SERINC2: variants seen among roughly 807,000 people sequenced by gnomAD.
SERINC2 encodes serine incorporator 2.
SERINC2 carries 56 observed loss-of-function variants against 54.2 expected under a neutral mutation model. The ratio of observed to expected loss-of-function variants is 1.03; its 90% confidence interval spans 0.83 to 1.29. The LOEUF is 1.29. SERINC2 is among the 50% of genes most tolerant of loss of function. The pLI is 0.00. For missense variants in SERINC2, 614 were observed against 607.4 expected, an observed-to-expected ratio of 1.01 and a Z score of -0.12; for synonymous variants, 272 against 253.1, an observed-to-expected ratio of 1.07 and a Z score of -0.71.
At chr1:31,409,830 G>C (rs1553131244), upstream of SERINC2, 1 of 1,556,508 alleles carries the variant, frequency 6.4e-7, no homozygotes. Context: ...GCACACATCT[G>C]AGTCCTCATG....
At chr1:31,416,812 C>T (rs1640791989) in intron 1 of SERINC2, among the ~76,000 whole-genome samples, 1 of 152,158 alleles carries the variant, frequency 6.6e-6, no homozygotes, top group African/African-American at 2.4e-5. Context: ...CCTCTGCCTC[C>T]AGGTTCAAGT....
At chr1:31,432,771 G>C (rs1553134919) in intron 8 of SERINC2, among the ~76,000 whole-genome samples, 196 bp from the exon 9 acceptor site, 2 of 152,150 alleles carry the variant, frequency 1.3e-5, no homozygotes, top group Non-Finnish European at 2.9e-5. Flanking sequence ...GAGGCTCAGA[G>C]AGGTTAAGTG....
chr1:31,418,149 G>A (rs538338997), intron 1 of SERINC2, among the ~76,000 whole-genome samples: 34 of 151,996 alleles, frequency 2.2e-4, no homozygotes, highest in Non-Finnish European at 4.0e-4. Flanking sequence ...ATGAGCCTCC[G>A]CACCTGGCCT....
chr1:31,426,057 C>A, intron 5 of SERINC2, 144 bp downstream of exon 5: 1 of 849,852 alleles, frequency 1.2e-6, no homozygotes, highest in African/African-American at 1.7e-5. Flanking sequence ...TCCAATTGTC[C>A]CAGGGAGATG....
Position 31,429,483 on chromosome 1 carries a change from G to C in SERINC2, c.958G>C (p.Asp320His). ...GPEGYETQWW[D>H]APSIVGLIIF... ...CGAGGGCTATGAGACCCAGTGGTGG[G>C]ATGCCCCGAGCATTGTGGGCCTCAT... Residue 320 changes from aspartate to histidine, a missense_variant, in exon 8 of 10, where the codon GAT becomes CAT. Asp to His is a moderately conservative substitution (Grantham distance 81). Transcript: ENST00000373709. 6.2e-7 allele frequency: 1 copy of C among 1,613,848 alleles called. No individual in the cohort carries two copies. Among genetic ancestry groups the C allele is most frequent in the Non-Finnish European group, 8.5e-7 (1 of 1,179,886 alleles).
chr1:31,417,940 T>TC (rs1640819542), intron 1 of SERINC2, among the ~76,000 whole-genome samples: 1 of 143,772 alleles, frequency 7.0e-6, no homozygotes, highest in African/African-American at 2.6e-5. Context: ...CATTGCAACT[T>TC]CCACCTCCCG....
At chr1:31,418,071 C>G (rs1371825068) in intron 1 of SERINC2, among the ~76,000 whole-genome samples, 1 of 152,042 alleles carries the variant, frequency 6.6e-6, no homozygotes, top group Non-Finnish European at 1.5e-5. Context: ...GTTGGCCAGG[C>G]TGGTCTCGAA....
chr1:31,411,968 T>TC (rs1208611396), upstream of SERINC2, among the ~76,000 whole-genome samples: 24 of 138,774 alleles, frequency 1.7e-4, no homozygotes, highest in African/African-American at 5.3e-4. Flanking sequence ...GCCACTGTGT[T>TC]CCAGCCTGGG....
At chr1:31,431,812 G>GTT (rs1641226600) in intron 8 of SERINC2, among the ~76,000 whole-genome samples, 1 of 145,196 alleles carries the variant, frequency 6.9e-6, no homozygotes, top group Non-Finnish European at 1.5e-5. Context: ...GGACAGGGTG[G>GTT]ACAGGGTGGA....
At position 31,426,806 on chromosome 1, in the gene SERINC2, G is replaced by A. The variant is rs781826524; in HGVS notation, c.763G>A (p.Val255Ile). Residue 255 changes from valine (V) to isoleucine (I), a missense_variant, in exon 6 of 10, where the codon GTC becomes ATC. Transcript: ENST00000373709. Reference protein sequence around the residue: ...TFCVCVSIAAVLPKVQDAQPN... With the variant: ...TFCVCVSIAAILPKVQDAQPN... ...CTGTGTCTGCGTGTCCATCGCTGCT[G>A]TCCTGCCCAAGGTCCAGGTGAGCCT... 4 of 1,613,752 alleles carry A rather than the reference G, an allele frequency of 2.5e-6. No individual in the cohort carries two copies. Among genetic ancestry groups the A allele is most frequent in the East Asian group, 2.2e-5 (1 of 44,896 alleles).
chr1:31,430,089 AGCTATGTGATCCTGG>A (rs1365054735), intron 8 of SERINC2, among the ~76,000 whole-genome samples: 1 of 152,136 alleles, frequency 6.6e-6, no homozygotes, highest in East Asian at 1.9e-4. Flanking sequence ...GCCACTTACT[AGCTATGTGATCCTGG>A]GCAAGTCACT....
In SERINC2 at chr1:31,413,962, G is replaced by A; in HGVS notation, c.39+658G>A. ...TCAGTCTGGCTCGCGCTGCCTCTCA[G>A]GCACTTCCCCAGCTCGCCCCGGATC... is the stretch of plus-strand genomic sequence containing the variant. On this transcript the variant is annotated intron_variant, in intron 1 of 9. Coordinates refer to ENST00000373709, the MANE Select transcript of SERINC2 (RefSeq NM_178865.5). The surrounding 1 kb of genome is among the most constrained non-coding windows in gnomAD (Gnocchi z 5.0). 1 of 1,528,786 alleles carries A rather than the reference G, an allele frequency of 6.5e-7. No homozygotes were observed. 94.7% of individuals were successfully genotyped at this position (1,528,786 alleles called of 1,614,324 possible).
rs782728489 is a variant in SERINC2 at position 31,429,000 on chromosome 1, T to C, written c.803T>C (p.Leu268Pro). Residue 268 changes from leucine to proline, a missense_variant, in exon 7 of 10, where the codon CTG (leucine) becomes CCG (proline). Coordinates refer to ENST00000373709, the MANE Select transcript of SERINC2 (RefSeq NM_178865.5). ...CAGGACGCCCAGCCCAACTCGGGTC[T>C]GCTGCAGGCCTCGGTCATCACCCTC... ...KVQDAQPNSG[L>P]LQASVITLYT... The C allele has an allele frequency of 6.2e-7, 1 of 1,613,992 alleles. No homozygotes were observed. Among genetic ancestry groups the C allele is most frequent in the South Asian group, 1.1e-5 (1 of 91,080 alleles).
chr1:31,433,156 C>T lies in SERINC2; in HGVS notation c.1203C>T (p.His401=), dbSNP rs782662033. 3.1e-5 allele frequency: 50 copies of T among 1,613,638 alleles called. No individual in the cohort carries two copies. Among genetic ancestry groups the T allele is most frequent in the East Asian group, 6.7e-5 (3 of 44,902 alleles). The change falls in exon 9 of 10, where the codon CAC becomes CAT. Residue 401 remains histidine, a synonymous_variant. Transcript: ENST00000373709. ...FHFCLVLASL[H]VMMTLTNWYK... ...TCTGCCTGGTGCTGGCCTCACTGCA[C>T]GTCATGATGACGCTCACCAACTGGT...
chr1:31,434,433 C>T lies in SERINC2; in HGVS notation c.*234C>T. On this transcript the variant is annotated 3_prime_UTR_variant, in exon 10 of 10. Coordinates refer to ENST00000373709, the MANE Select transcript of SERINC2 (RefSeq NM_178865.5). ...CGCCACACCCACACGGTGGAGCTGC[C>T]TCTTCCTTCCCCTCCTCCCTGTTGC... 1.8e-6 allele frequency: 1 copy of T among 561,500 alleles called. No homozygotes were observed. Among genetic ancestry groups the T allele is most frequent in the Non-Finnish European group, 3.2e-6 (1 of 315,960 alleles). 34.8% of individuals were successfully genotyped at this position (561,500 alleles called of 1,614,324 possible).
At chr1:31,430,378 C>A (rs1003335852) in intron 8 of SERINC2, among the ~76,000 whole-genome samples, 1 of 151,438 alleles carries the variant, frequency 6.6e-6, no homozygotes, top group Non-Finnish European at 1.5e-5. Flanking sequence ...AAAACAAAAA[C>A]ACTTAGAAAG....
chr1:31,432,861 C>A, intron 8 of SERINC2, 106 bp from the exon 9 acceptor site: 2 of 815,790 alleles, frequency 2.5e-6, no homozygotes, highest in Non-Finnish European at 2.0e-6. Context: ...AACTCCCAGG[C>A]CCAGTAACCG....
At position 31,413,484 on chromosome 1, in the gene SERINC2, C is replaced by G. The variant is rs1212163738; in HGVS notation, c.39+180C>G. On this transcript the variant is annotated intron_variant, in intron 1 of 9. Coordinates refer to ENST00000373709, the MANE Select transcript of SERINC2 (RefSeq NM_178865.5). The surrounding 1 kb of genome is among the most constrained non-coding windows in gnomAD (Gnocchi z 5.0). Reference sequence around the variant, plus strand: ...TCACTCGGCACCCGGATCCCGCTGCCCCCGTCCCCCTGCTCAGTCCTGGCC... The same window carrying G: ...TCACTCGGCACCCGGATCCCGCTGCGCCCGTCCCCCTGCTCAGTCCTGGCC... Among the ~76,000 whole-genome samples, 1 of 152,080 alleles carries G rather than the reference C, an allele frequency of 6.6e-6. No homozygotes were observed. The highest frequency in any genetic ancestry group is 1.9e-4 in the East Asian group (1 of 5,170).
At chr1:31,421,615 T>G (rs1325488437) in intron 1 of SERINC2, among the ~76,000 whole-genome samples, 2 of 152,156 alleles carry the variant, frequency 1.3e-5, no homozygotes, top group African/African-American at 2.4e-5. Flanking sequence ...GGGTGTGCTG[T>G]GTGCCTTGTG....
Sources: allele counts gnomAD v4.1 joint callset (sites outside exome capture counted in the v4.1 genomes callset), GRCh38; gene constraint gnomAD v4.1.1; non-coding constraint Gnocchi (gnomAD v3.1); transcripts MANE v1.5; gene names NCBI Gene and HGNC (gene_info 2026-07-23, HGNC 2026-07-21).